TMEM38B: variants seen among roughly 807,000 people sequenced by gnomAD.
TMEM38B encodes the protein transmembrane protein 38B.
A neutral mutation model predicts 28.7 loss-of-function variants in TMEM38B; 24 were observed. The ratio of observed to expected loss-of-function variants is 0.84; its 90% CI spans 0.61 to 1.18. The LOEUF (loss-of-function observed/expected upper bound fraction) is 1.18. Among genes scored for constraint, TMEM38B ranks in the 50% most tolerant of loss-of-function variants. The pLI, the probability that TMEM38B is intolerant of heterozygous loss-of-function variation, is 0.00. For synonymous variants in TMEM38B, 131 were observed against 127.7 expected, an observed-to-expected ratio of 1.03 and a Z score of -0.17; for missense variants, 380 against 350.9, an observed-to-expected ratio of 1.08 and a Z score of -0.66.
intron 4 of TMEM38B, among the ~76,000 whole-genome samples, chr9:105,730,822 A>G (rs1210113821): frequency 6.6e-6 from 1 of 152,042 alleles, no homozygotes; most frequent in Admixed American, 6.6e-5. Flanking sequence ...GAATTTATCC[A>G]TTTCTGCTAG....
In TMEM38B at chr9:105,728,339, G is replaced by A. The variant is rs142404521; in HGVS notation, c.542+5718G>A. Among the ~76,000 whole-genome samples, 1,433 of 151,532 alleles carry A rather than the reference G, an allele frequency of 9.5e-3. 36 individuals carry two copies. Among genetic ancestry groups the A allele is most frequent in the African/African-American group, 0.032 (1,330 of 41,246 alleles). ...CTTCCACTTATGAGTGAGAACATGC[G>A]GTGTTTGGTTTTCTGTTGTTGTGAT... On this transcript the variant is annotated intron_variant, in intron 4 of 5. Coordinates refer to ENST00000374692, the MANE Select transcript of TMEM38B (RefSeq NM_018112.3).
chr9:105,706,664 A>G (rs540041831), intron 2 of TMEM38B, among the ~76,000 whole-genome samples: 1 of 152,286 alleles, frequency 6.6e-6, no homozygotes, highest in African/African-American at 2.4e-5. Flanking sequence ...GGAAAGGAGT[A>G]ACAATAAAGG....
At chr9:105,760,596 A>G in intron 5 of TMEM38B, 1 of 759,146 alleles carries the variant, frequency 1.3e-6, no homozygotes, top group South Asian at 1.5e-5. Context: ...TAAAGGAGAA[A>G]AGAAAAAAAC....
Position 105,705,689 on chromosome 9 carries a change from C to A in TMEM38B, c.205C>A (p.Leu69Ile). ...TGGAGGAATTTTATCCTGTCTACTG[C>A]TTGCAGAGCCTCCATTGAAGTTTCT... ...FGGGILSCLL[L>I]AEPPLKFLAN... Residue 69 changes from leucine (L) to isoleucine (I), a missense_variant, in exon 2 of 6, where the codon CTT (leucine) becomes ATT (isoleucine). Coordinates refer to ENST00000374692, the MANE Select transcript of TMEM38B (RefSeq NM_018112.3). 1.2e-6 allele frequency: 2 copies of A among 1,613,982 alleles called. No homozygotes were observed. The highest frequency in any genetic ancestry group is 1.7e-6 in the Non-Finnish European group (2 of 1,179,992).
chr9:105,744,047 T>A (rs986571839), intron 4 of TMEM38B, among the ~76,000 whole-genome samples: 10 of 152,130 alleles, frequency 6.6e-5, no homozygotes, highest in Admixed American at 1.3e-4. Context: ...TCTTTTTTTT[T>A]ATTTTTGCTA....
chr9:105,704,437 GT>G (rs1156751649), intron 1 of TMEM38B, among the ~76,000 whole-genome samples: 1 of 152,042 alleles, frequency 6.6e-6, no homozygotes, highest in Admixed American at 6.6e-5. Context: ...AATAAATATA[GT>G]TTGAGTTAGA....
At chr9:105,735,956 T>TC (rs1836957232) in intron 4 of TMEM38B, among the ~76,000 whole-genome samples, 1 of 152,180 alleles carries the variant, frequency 6.6e-6, no homozygotes, top group Non-Finnish European at 1.5e-5. Flanking sequence ...AATCTCGAAC[T>TC]CTTGGGGTCA....
chr9:105,705,826 T>G, intron 2 of TMEM38B, 73 bp downstream of exon 2: 1 of 1,491,878 alleles, frequency 6.7e-7, no homozygotes. Context: ...AATGAATTTT[T>G]TTTTCTTTGA....
At chr9:105,744,713 T>C (rs1837327846) in intron 4 of TMEM38B, among the ~76,000 whole-genome samples, 1 of 152,124 alleles carries the variant, frequency 6.6e-6, no homozygotes, top group African/African-American at 2.4e-5. Flanking sequence ...ATTAGGTATA[T>C]CTCCTAATGC....
chr9:105,724,368 C>T (rs7871299), intron 4 of TMEM38B, among the ~76,000 whole-genome samples: 31,722 of 151,796 alleles, frequency 0.21, 5,129 homozygotes, highest in East Asian at 0.47. Context: ...GGCACGGTGG[C>T]GTATGCCTGT....
chr9:105,756,593 A>G (rs1023742981), intron 5 of TMEM38B, among the ~76,000 whole-genome samples: 4 of 152,308 alleles, frequency 2.6e-5, no homozygotes, highest in Non-Finnish European at 2.9e-5. Flanking sequence ...TACAGCATCA[A>G]TTTTTGTTCA....
At chr9:105,731,264 A>G (rs894001040) in intron 4 of TMEM38B, among the ~76,000 whole-genome samples, 15 of 151,692 alleles carry the variant, frequency 9.9e-5, no homozygotes, top group African/African-American at 3.6e-4. Context: ...GGTACGTTGT[A>G]GCTTTGTTCT....
At chr9:105,735,808 T>C (rs1836950509) in intron 4 of TMEM38B, among the ~76,000 whole-genome samples, 1 of 152,136 alleles carries the variant, frequency 6.6e-6, no homozygotes, top group South Asian at 2.1e-4. Flanking sequence ...TTGAGCTTCC[T>C]GGATGTGGAT....
chr9:105,711,306 T>G (rs1418520065), intron 2 of TMEM38B, among the ~76,000 whole-genome samples: 1 of 152,032 alleles, frequency 6.6e-6, no homozygotes, highest in Non-Finnish European at 1.5e-5. Flanking sequence ...CTGAGCGTGG[T>G]GGCCTGTGCC....
In TMEM38B at chr9:105,705,654, A is replaced by G. The variant is rs778532402; in HGVS notation, c.170A>G (p.His57Arg). The G allele has an allele frequency of 2.5e-6, 4 of 1,613,948 alleles. No individual in the cohort carries two copies. In the African/African-American group the frequency reaches 4.0e-5, roughly 16 times the overall value. Residue 57 changes from histidine (H) to arginine (R), a missense_variant, in exon 2 of 6, where the codon CAC becomes CGC. Transcript: ENST00000374692. ...TCAAGCTGGTTTACTGCTATGCTCC[A>G]CTGTTTTGGTGGAGGAATTTTATCC... The part of the protein sequence containing the change: ...PISSWFTAML[H>R]CFGGGILSCL...
chr9:105,720,417 C>T (rs531244805), intron 2 of TMEM38B, among the ~76,000 whole-genome samples: 1 of 152,020 alleles, frequency 6.6e-6, no homozygotes, highest in Non-Finnish European at 1.5e-5. Flanking sequence ...TTTACAGAGC[C>T]ATCAGAATGT....
chr9:105,706,350 G>A (rs1400518980), intron 2 of TMEM38B, among the ~76,000 whole-genome samples: 1 of 152,204 alleles, frequency 6.6e-6, no homozygotes, highest in Admixed American at 6.5e-5. Context: ...CAAGTGCAGT[G>A]GCGCGCTCTC....
chr9:105,753,463 A>T (rs1588459833), intron 5 of TMEM38B, among the ~76,000 whole-genome samples: 1 of 152,106 alleles, frequency 6.6e-6, no homozygotes, highest in Admixed American at 6.5e-5. Context: ...CTAACAGTGG[A>T]CCTCTCAGTG....
At chr9:105,733,947 T>C (rs891956966) in intron 4 of TMEM38B, among the ~76,000 whole-genome samples, 6 of 152,108 alleles carry the variant, frequency 3.9e-5, no homozygotes, top group Non-Finnish European at 7.4e-5. Context: ...ATGTTTTTTC[T>C]ATTTGATTTA....
Sources: allele counts gnomAD v4.1 joint callset (sites outside exome capture counted in the v4.1 genomes callset), GRCh38; gene constraint gnomAD v4.1.1; transcripts MANE v1.5; gene names NCBI Gene and HGNC (gene_info 2026-07-23, HGNC 2026-07-21).